GPD2: variants seen among roughly 807,000 people sequenced by gnomAD.
GPD2 encodes glycerol-3-phosphate dehydrogenase, mitochondrial.
In GPD2, 54 loss-of-function variants were observed where a neutral mutation model predicts 82.4. The observed-to-expected ratio is 0.66, with a 90% CI of 0.53 to 0.82. The LOEUF is 0.82. Among genes scored for constraint, GPD2 ranks in the 40% least tolerant of loss-of-function variants. The pLI is 0.00. For synonymous variants in GPD2, 288 were observed against 306.1 expected (o/e 0.94, Z 0.62); for missense variants, 748 against 896.2 (o/e 0.83, Z 2.11).
intron 1 of GPD2, among the ~76,000 whole-genome samples, chr2:156,461,161 C>CTTTTT (rs70987039): frequency 1.9e-5 from 2 of 106,466 alleles, no homozygotes; most frequent in Non-Finnish European, 2.0e-5. Flanking sequence ...CTCTCTATCT[C>CTTTTT]TTTTTTTTTT....
At chr2:156,468,834 G>A (rs1381777424) in intron 1 of GPD2, among the ~76,000 whole-genome samples, 1 of 152,108 alleles carries the variant, frequency 6.6e-6, no homozygotes, top group Non-Finnish European at 1.5e-5. Context: ...ATTTCTTTGT[G>A]TTACGAACAT....
intron 2 of GPD2, among the ~76,000 whole-genome samples, chr2:156,493,926 ATGTGTG>A (rs542950582): frequency 2.5e-3 from 335 of 136,316 alleles, no homozygotes; most frequent in South Asian, 0.016. Context: ...ATATATATGT[ATGTGTG>A]TGTGTGTGTG....
chr2:156,474,641 C>T lies in GPD2; in HGVS notation c.-8-1457C>T, dbSNP rs146149119. Reference sequence around the variant, plus strand: ...ATCTTTTTACGTTTAACAGTAAAAGCGGACAAAAGGATTTTTGATGGAATT... The same window carrying T: ...ATCTTTTTACGTTTAACAGTAAAAGTGGACAAAAGGATTTTTGATGGAATT... On this transcript the variant is annotated intron_variant, in intron 1 of 16. Transcript: ENST00000438166. Among the ~76,000 whole-genome samples, 76 of 152,164 alleles carry T rather than the reference C, an allele frequency of 5.0e-4. No homozygotes were observed. The East Asian group carries it at 0.013, about 26-fold the overall frequency.
intron 3 of GPD2, 102 bp downstream of exon 3, chr2:156,496,317 C>G (rs546273294): frequency 1.3e-6 from 1 of 767,600 alleles, no homozygotes; most frequent in South Asian, 1.5e-5. Context: ...TGGTTTGCTG[C>G]ACCTATCAAC....
At chr2:156,546,610 G>A (rs1686547981) in intron 6 of GPD2, among the ~76,000 whole-genome samples, 1 of 152,234 alleles carries the variant, frequency 6.6e-6, no homozygotes, top group South Asian at 2.1e-4. Context: ...GGAGGTGTGA[G>A]GCCCAGGGCT....
chr2:156,556,633 C>T (rs577706608), intron 8 of GPD2, among the ~76,000 whole-genome samples: 23 of 152,120 alleles, frequency 1.5e-4, no homozygotes, highest in African/African-American at 4.8e-4. Context: ...AGCATTGTAC[C>T]TTGATTTAAC....
rs769561230 is a variant in GPD2 at position 156,579,153 on chromosome 2, C to A, written c.1948C>A (p.Arg650Ser). Residue 650 changes from arginine to serine, a missense_variant, in exon 15 of 17, where the codon CGT (arginine) becomes AGT (serine). Arg to Ser is a moderately radical substitution (Grantham distance 110). Around this residue, in one of 3 missense-constraint regions of GPD2, gnomAD observed 692 missense variants for 809.7 expected, o/e 0.85. Transcript: ENST00000438166. ...KGFITIVDVQ[R>S]VLESINVQMD... ...CTTTATTACCATTGTTGATGTTCAG[C>A]GTGTATTAGAGGTAATTTTCTTTGG... 8.8e-6 allele frequency: 14 copies of A among 1,592,162 alleles called. No homozygotes were observed. The highest frequency in any genetic ancestry group is 1.2e-5 in the Non-Finnish European group (14 of 1,160,764).
chr2:156,442,538 G>A (rs1682211069), intron 1 of GPD2, among the ~76,000 whole-genome samples: 1 of 152,184 alleles, frequency 6.6e-6, no homozygotes, highest in Non-Finnish European at 1.5e-5. Context: ...TTGGCTAAGT[G>A]TTGGCTCATG....
At chr2:156,470,662 C>T (rs941009194) in intron 1 of GPD2, among the ~76,000 whole-genome samples, 1 of 152,152 alleles carries the variant, frequency 6.6e-6, no homozygotes, top group Non-Finnish European at 1.5e-5. Context: ...GCATAGTTGC[C>T]TTGCCTATGA....
chr2:156,583,366 T>C lies in GPD2; in HGVS notation c.*448T>C. The C allele has an allele frequency of 9.3e-6, 2 of 215,588 alleles. No homozygotes were observed. Among genetic ancestry groups the C allele is most frequent in the South Asian group, 1.4e-4 (2 of 14,770 alleles). 13.4% of individuals were successfully genotyped at this position (215,588 alleles called of 1,614,324 possible). A position where few individuals can be genotyped will look rare whatever the true frequency, so the allele number is the denominator to read the frequency against. Reference sequence around the variant, plus strand: ...GATCATGTTTCTGGAGAAATTAAGCTTATAGACAGCATGTGTTATTAAAAA... The same window carrying C: ...GATCATGTTTCTGGAGAAATTAAGCCTATAGACAGCATGTGTTATTAAAAA... On this transcript the variant is annotated 3_prime_UTR_variant, in exon 17 of 17. Coordinates refer to ENST00000438166, the MANE Select transcript of GPD2 (RefSeq NM_000408.5).
chr2:156,450,209 A>G (rs1365103722), intron 1 of GPD2, among the ~76,000 whole-genome samples: 4 of 152,212 alleles, frequency 2.6e-5, no homozygotes, highest in Non-Finnish European at 4.4e-5. Flanking sequence ...TGGAAGATAT[A>G]AAGTGTTCTG....
chr2:156,546,351 A>G (rs1293308832), intron 6 of GPD2, among the ~76,000 whole-genome samples: 1 of 152,220 alleles, frequency 6.6e-6, no homozygotes, highest in Non-Finnish European at 1.5e-5. Flanking sequence ...CAGTGTTGTC[A>G]AAAACTTTTT....
intron 3 of GPD2, among the ~76,000 whole-genome samples, chr2:156,502,643 C>CT (rs1236725410): frequency 1.3e-5 from 2 of 152,132 alleles, no homozygotes; most frequent in East Asian, 3.9e-4. Flanking sequence ...CCAGGCTGGT[C>CT]TAGAACTCCT....
At chr2:156,493,389 G>T (rs1684253061) in intron 2 of GPD2, among the ~76,000 whole-genome samples, 1 of 152,104 alleles carries the variant, frequency 6.6e-6, no homozygotes, top group Admixed American at 6.6e-5. Context: ...AGATTTACAG[G>T]TCTATCGGGA....
At chr2:156,515,527 G>A (rs1685170358) in intron 6 of GPD2, among the ~76,000 whole-genome samples, 1 of 152,204 alleles carries the variant, frequency 6.6e-6, no homozygotes, top group Non-Finnish European at 1.5e-5. Flanking sequence ...TCTACATGGA[G>A]AAGCCAAGGG....
At chr2:156,491,460 A>G (rs1684172137) in intron 2 of GPD2, among the ~76,000 whole-genome samples, 1 of 152,232 alleles carries the variant, frequency 6.6e-6, no homozygotes, top group South Asian at 2.1e-4. Flanking sequence ...CTGATTTAGC[A>G]TATTGCATTT....
chr2:156,570,308 A>C lies in GPD2; in HGVS notation c.1608+90A>C, dbSNP rs529219967. ...CATCTTTAAAAATTATATGTAGCTA[A>C]GTTTTAATGCACATATGTCAGCTAA... is the stretch of plus-strand genomic sequence containing the variant. On this transcript the variant is annotated intron_variant, in intron 12 of 16. Transcript: ENST00000438166. 2,335 of 1,160,952 alleles carry C rather than the reference A, an allele frequency of 2.0e-3. 10 individuals carry two copies. The highest frequency in any genetic ancestry group is 1.8e-3 in the Non-Finnish European group (1,409 of 769,572). 71.9% of individuals were successfully genotyped at this position (1,160,952 alleles called of 1,614,324 possible).
At chr2:156,495,406 T>C (rs1684332703) in intron 2 of GPD2, among the ~76,000 whole-genome samples, 1 of 152,224 alleles carries the variant, frequency 6.6e-6, no homozygotes, top group African/African-American at 2.4e-5. Flanking sequence ...GTATAGAATC[T>C]ATGGTTTTAT....
intron 6 of GPD2, among the ~76,000 whole-genome samples, chr2:156,526,798 G>A (rs1685626129): frequency 6.6e-6 from 1 of 152,038 alleles, no homozygotes; most frequent in Non-Finnish European, 1.5e-5. Flanking sequence ...AACAAGGAGA[G>A]GAGGAAATAA....
Sources: allele counts gnomAD v4.1 joint callset (sites outside exome capture counted in the v4.1 genomes callset), GRCh38; gene constraint gnomAD v4.1.1; regional missense constraint gnomAD v4.1.1; transcripts MANE v1.5; gene names NCBI Gene and HGNC (gene_info 2026-07-23, HGNC 2026-07-21).